The following KATNAL2 variants were observed in gnomAD, a reference collection of about 807,000 sequenced individuals.
KATNAL2 encodes the protein katanin catalytic subunit A1 like 2.
KATNAL2 carries 52 observed loss-of-function variants against 76.3 expected under a neutral mutation model. The observed-to-expected ratio is 0.68, with a 90% CI of 0.55 to 0.86. KATNAL2 has a LOEUF of 0.86. Ranked by LOEUF, KATNAL2 falls within the 40% of genes least tolerant of loss-of-function variation. The pLI, the probability that KATNAL2 is intolerant of heterozygous loss-of-function variation, is 0.00. For synonymous variants in KATNAL2, 243 were observed against 244.2 expected (o/e 1.00, Z 0.05); for missense variants, 660 against 668.9 (o/e 0.99, Z 0.15).
At chr18:47,061,213 G>A (rs1264614428) in intron 8 of KATNAL2, among the ~76,000 whole-genome samples, 1 of 152,200 alleles carries the variant, frequency 6.6e-6, no homozygotes, top group African/African-American at 2.4e-5. Flanking sequence ...GAATACCTGA[G>A]GCTGAGTAGT....
chr18:46,938,974 G>T lies in KATNAL2; in HGVS notation c.-509-7083G>T, dbSNP rs558557948. 5.1e-4 allele frequency among the ~76,000 whole-genome samples: 77 copies of T among 152,202 alleles called. 1 individual carries two copies. The South Asian group carries it at 0.015, about 30-fold the overall frequency. On this transcript the variant is annotated intron_variant, in intron 1 of 17. Transcript: ENST00000683218. Reference sequence around the variant, plus strand: ...TTGCTAGCATATAAGTTCAGTGAAGGCAGGGACTTTATTCTCTATTCTATC... The same window carrying T: ...TTGCTAGCATATAAGTTCAGTGAAGTCAGGGACTTTATTCTCTATTCTATC...
intron 3 of KATNAL2, among the ~76,000 whole-genome samples, chr18:47,038,503 T>C (rs764590402): frequency 6.6e-6 from 1 of 152,220 alleles, no homozygotes; most frequent in Non-Finnish European, 1.5e-5. Flanking sequence ...TTCTATAATA[T>C]AGTGTAATTG....
At chr18:46,918,208 C>CGTAAT (rs1239748603) in intron 1 of KATNAL2, among the ~76,000 whole-genome samples, 1 of 152,016 alleles carries the variant, frequency 6.6e-6, no homozygotes, top group Admixed American at 6.6e-5. Flanking sequence ...ATGGCCCCCC[C>CGTAAT]GTAATGTGCT....
intron 9 of KATNAL2, 63 bp from the exon 10 acceptor site, chr18:47,063,221 C>A: frequency 6.5e-7 from 1 of 1,546,268 alleles, no homozygotes; most frequent in Non-Finnish European, 8.9e-7. Context: ...TGTGCATGCC[C>A]GGGGTTTCTT....
chr18:47,033,537 T>C (rs1227531995), intron 3 of KATNAL2: 9 of 1,613,884 alleles, frequency 5.6e-6, no homozygotes, highest in Non-Finnish European at 7.6e-6. Context: ...CTCTAACGAG[T>C]GCGTGATTGT....
chr18:47,042,626 T>C (rs2061000421), intron 3 of KATNAL2, among the ~76,000 whole-genome samples: 1 of 152,014 alleles, frequency 6.6e-6, no homozygotes, highest in Non-Finnish European at 1.5e-5. Flanking sequence ...AATGTTATTA[T>C]CTAAATAAAT....
At chr18:46,948,356 C>A (rs1453382236) in intron 3 of KATNAL2, among the ~76,000 whole-genome samples, 2 of 151,686 alleles carry the variant, frequency 1.3e-5, no homozygotes, top group Non-Finnish European at 2.9e-5. Flanking sequence ...AGGCAATCTT[C>A]CCCCCTCAGC....
intron 3 of KATNAL2, among the ~76,000 whole-genome samples, chr18:47,031,175 G>C (rs2060403984): frequency 6.8e-6 from 1 of 147,498 alleles, no homozygotes; most frequent in Non-Finnish European, 1.5e-5. Context: ...GACCAATCTT[G>C]GAAGAAATGC....
At chr18:47,080,820 T>C (rs1179863033) in intron 15 of KATNAL2, among the ~76,000 whole-genome samples, 2 of 152,368 alleles carry the variant, frequency 1.3e-5, no homozygotes, top group East Asian at 1.9e-4. Flanking sequence ...TATGGGCCAA[T>C]TGCGTATCTT....
At position 47,101,134 on chromosome 18, in the gene KATNAL2, G is replaced by A. The variant is rs2063432902; in HGVS notation, c.*129G>A. Reference sequence around the variant, plus strand: ...ATTTTTGAAGACTGGATTAACTTGAGCCACTGTATTGTTTTGGATAGCTGA... The same window carrying A: ...ATTTTTGAAGACTGGATTAACTTGAACCACTGTATTGTTTTGGATAGCTGA... On this transcript the variant is annotated 3_prime_UTR_variant, in exon 18 of 18. Transcript: ENST00000683218. The A allele has an allele frequency of 3.8e-6, 4 of 1,040,074 alleles. No homozygotes were observed. The highest frequency in any genetic ancestry group is 4.6e-5 in the Admixed American group (2 of 43,288). 64.4% of individuals were successfully genotyped at this position (1,040,074 alleles called of 1,614,324 possible).
At chr18:46,939,753 A>G (rs963524176) in intron 1 of KATNAL2, among the ~76,000 whole-genome samples, 19 of 152,228 alleles carry the variant, frequency 1.2e-4, no homozygotes, top group African/African-American at 4.6e-4. Context: ...GATGAGTCAT[A>G]CTAATGGCAG....
Position 46,941,327 on chromosome 18 carries a change from A to G in KATNAL2, c.-509-4730A>G, listed in dbSNP as rs1017383894. ...GCATGCCAACCTGGGCAACAAAGCC[A>G]GACTCCATCTCAAAAAACAAAAAAC... On this transcript the variant is annotated intron_variant, in intron 1 of 17. Transcript: ENST00000683218. Among the ~76,000 whole-genome samples the G allele has an allele frequency of 2.0e-5, 3 of 152,326 alleles. 1 individual carries two copies. The highest frequency in any genetic ancestry group is 4.1e-4 in the South Asian group (2 of 4,832).
chr18:47,035,556 T>C, intron 3 of KATNAL2: 1 of 616,424 alleles, frequency 1.6e-6, no homozygotes, highest in Non-Finnish European at 2.9e-6. Context: ...GAAGCTCTGG[T>C]GCCAGAGCTG....
At position 46,917,684 on chromosome 18, in the gene KATNAL2, CT is replaced by C; in HGVS notation, c.-750del. The C allele has an allele frequency of 2.1e-6, 1 of 470,588 alleles. No homozygotes were observed. Among genetic ancestry groups the C allele is most frequent in the Non-Finnish European group, 2.8e-6 (1 of 357,900 alleles). The allele number at this position is 470,588 out of a possible 1,614,324, so 29.2% of individuals were successfully genotyped here. A position where few individuals can be genotyped will look rare whatever the true frequency, so the allele number is the denominator to read the frequency against. On this transcript the variant is annotated 5_prime_UTR_variant, in exon 1 of 18. Transcript: ENST00000683218. Reference sequence around the variant, plus strand: ...GGCCCCGCTCGGCCCCAGGTCGTGCCTTCCCTCCCCGGCGGAGGCCCCTGCG... The same window carrying C: ...GGCCCCGCTCGGCCCCAGGTCGTGCCTCCCTCCCCGGCGGAGGCCCCTGCG...
chr18:47,065,468 G>T (rs960876094), intron 10 of KATNAL2, among the ~76,000 whole-genome samples: 1 of 151,936 alleles, frequency 6.6e-6, no homozygotes, highest in Non-Finnish European at 1.5e-5. Flanking sequence ...ACAGGGAGAG[G>T]TTCTGGAACC....
chr18:47,085,768 A>C (rs1050798209), intron 15 of KATNAL2, among the ~76,000 whole-genome samples: 3 of 151,248 alleles, frequency 2.0e-5, no homozygotes, highest in African/African-American at 7.3e-5. Flanking sequence ...TGTTTATTCA[A>C]CTCTTTTTTT....
chr18:47,043,808 G>T (rs1021517816), intron 3 of KATNAL2, among the ~76,000 whole-genome samples: 1 of 127,294 alleles, frequency 7.9e-6, no homozygotes, highest in South Asian at 2.8e-4. Context: ...AAAATGGGGT[G>T]GTTATTCATT....
intron 3 of KATNAL2, among the ~76,000 whole-genome samples, chr18:46,948,273 G>C (rs1361613752): frequency 6.6e-6 from 1 of 151,756 alleles, no homozygotes; most frequent in African/African-American, 2.4e-5. Context: ...ACCATGCCCA[G>C]CTAACTTTTT....
At chr18:46,942,144 G>A (rs2059264022) in intron 1 of KATNAL2, among the ~76,000 whole-genome samples, 1 of 152,158 alleles carries the variant, frequency 6.6e-6, no homozygotes, top group African/African-American at 2.4e-5. Flanking sequence ...GCAAATAATT[G>A]AAGATACTGA....
Sources: allele counts gnomAD v4.1 joint callset (sites outside exome capture counted in the v4.1 genomes callset), GRCh38; gene constraint gnomAD v4.1.1; transcripts MANE v1.5; gene names NCBI Gene and HGNC (gene_info 2026-07-23, HGNC 2026-07-21).